The following TENM4 variants were observed in gnomAD, a reference collection of about 807,000 sequenced individuals.
TENM4 encodes teneurin-4.
Under a neutral mutation model 243.3 loss-of-function variants are expected in TENM4, and 82 were observed. That is an observed-to-expected ratio of 0.34 (90% confidence interval 0.28 to 0.40). TENM4 has a LOEUF of 0.40. Among genes scored for constraint, TENM4 ranks in the 10% least tolerant of loss-of-function variants. The probability of loss-of-function intolerance (pLI) is 1.00; values close to 1 mark genes in which losing one functional copy is unlikely to be tolerated. For synonymous variants in TENM4, 1,412 were observed against 1,456.3 expected (o/e 0.97, Z 0.69); for missense variants, 3,138 against 3,673.3 (o/e 0.85, Z 3.77).
At chr11:78,906,622 G>A (rs1156293551) in intron 6 of TENM4, among the ~76,000 whole-genome samples, 1 of 152,230 alleles carries the variant, frequency 6.6e-6, no homozygotes, top group African/African-American at 2.4e-5. Context: ...GACAAGGAAT[G>A]TTCTGGGCCA....
chr11:78,938,167 T>C (rs1366175329), intron 6 of TENM4, among the ~76,000 whole-genome samples: 3 of 152,256 alleles, frequency 2.0e-5, no homozygotes, highest in Non-Finnish European at 4.4e-5. Context: ...TAGCCTGATA[T>C]TCAAGATTCT....
At position 79,337,751 on chromosome 11, in the gene TENM4, C is replaced by T. The variant is rs1400176761; in HGVS notation, c.-320-40208G>A. 1.3e-5 allele frequency among the ~76,000 whole-genome samples: 2 copies of T among 152,188 alleles called. 1 individual carries two copies. Among genetic ancestry groups the T allele is most frequent in the East Asian group, 3.9e-4 (2 of 5,190 alleles). On this transcript the variant is annotated intron_variant, in intron 1 of 33. Coordinates refer to ENST00000278550, the MANE Select transcript of TENM4 (RefSeq NM_001098816.3). ...CTACATTGGAGTTCTCACCTTTGGA[C>T]TCTCAAAAAGATCTCTGAGACCTTA...
At chr11:79,420,195 A>T (rs1858901273) in intron 1 of TENM4, among the ~76,000 whole-genome samples, 1 of 152,200 alleles carries the variant, frequency 6.6e-6, no homozygotes, top group African/African-American at 2.4e-5. Flanking sequence ...CATTTTTTTA[A>T]CATGTTAAAT....
At chr11:79,363,650 C>T (rs1857628250) in intron 1 of TENM4, among the ~76,000 whole-genome samples, 1 of 152,200 alleles carries the variant, frequency 6.6e-6, no homozygotes, top group South Asian at 2.1e-4. Flanking sequence ...TGCAGATTTT[C>T]ATATGATATA....
Position 79,172,368 on chromosome 11 carries a change from G to A in TENM4, c.-162-23562C>T, listed in dbSNP as rs146727301. 6.6e-4 allele frequency among the ~76,000 whole-genome samples: 101 copies of A among 152,300 alleles called. No individual in the cohort carries two copies. In the East Asian group the frequency reaches 0.013, roughly 20 times the overall value. ...AAGAGACTGGGTGACCAGGGACACC[G>A]TTATTCATTCACTTATCCATTTATT... On this transcript the variant is annotated intron_variant, in intron 3 of 33. Transcript: ENST00000278550.
chr11:78,812,399 C>A lies in TENM4; in HGVS notation c.1784-83G>T. 2.7e-6 allele frequency: 4 copies of A among 1,472,484 alleles called. 1 individual carries two copies. In the South Asian group the frequency reaches 5.4e-5, roughly 20 times the overall value. 91.2% of individuals were successfully genotyped at this position (1,472,484 alleles called of 1,614,324 possible). The stretch of plus-strand genomic sequence containing the variant: ...TTTGTCTCTTTCTCCTCCTGGCCTG[C>A]CTGGCTTCACCAGTAGCCTCAACTG... On this transcript the variant is annotated intron_variant, in intron 13 of 33. Transcript: ENST00000278550.
intron 23 of TENM4, 63 bp from the exon 24 acceptor site, chr11:78,722,980 G>T: frequency 6.3e-7 from 1 of 1,584,504 alleles, no homozygotes; most frequent in Admixed American, 1.7e-5. Flanking sequence ...TCCTGTGGTT[G>T]ACCACAGAGT....
intron 14 of TENM4, among the ~76,000 whole-genome samples, chr11:78,806,810 A>G (rs965605609): frequency 3.3e-5 from 5 of 152,186 alleles, no homozygotes; most frequent in African/African-American, 1.2e-4. Context: ...AACTCTTTTT[A>G]TCTTGCAAAA....
At chr11:79,081,543 G>GTGTGTGTGTGTGTGTT (rs1860674762) in intron 4 of TENM4, among the ~76,000 whole-genome samples, 1 of 151,648 alleles carries the variant, frequency 6.6e-6, no homozygotes, top group African/African-American at 2.4e-5. Context: ...TGGTGTGTGT[G>GTGTGTGTGTGTGTGTT]TGTGTGTGTG....
rs143254595 is a variant in TENM4, at chr11:78,670,321, G to A, written c.6024C>T (p.Arg2008=). ...LLHTFYLGTG[R]RVIYKYGKLS... ...GTTTGCCATACTTGTATATCACCCT[G>A]CGGCCAGTGCCCAGGTAGAAGGTGT... Residue 2008 remains arginine (R), a synonymous_variant, in exon 32 of 34, where the codon CGC becomes CGT. Transcript: ENST00000278550. The A allele has an allele frequency of 1.1e-5, 18 of 1,613,904 alleles. No homozygotes were observed. In the African/African-American group the frequency reaches 1.3e-4, roughly 12 times the overall value.
At chr11:78,684,999 C>G (rs1184937912) in intron 29 of TENM4, among the ~76,000 whole-genome samples, 1 of 151,994 alleles carries the variant, frequency 6.6e-6, no homozygotes, top group Non-Finnish European at 1.5e-5. Flanking sequence ...TGAATATTTT[C>G]TGCTAGAATG....
At chr11:78,925,329 ATG>A (rs776080994) in intron 6 of TENM4, among the ~76,000 whole-genome samples, 4 of 151,116 alleles carry the variant, frequency 2.6e-5, no homozygotes, top group Non-Finnish European at 3.0e-5. Flanking sequence ...GTGTGTATGT[ATG>A]TGTGTGTGTG....
At chr11:78,979,536 A>G (rs1210522322) in intron 6 of TENM4, among the ~76,000 whole-genome samples, 1 of 152,010 alleles carries the variant, frequency 6.6e-6, no homozygotes, top group Non-Finnish European at 1.5e-5. Flanking sequence ...TGTGCTGTGC[A>G]TGCACATATG....
intron 4 of TENM4, among the ~76,000 whole-genome samples, chr11:79,113,983 T>C (rs1861566059): frequency 6.6e-6 from 1 of 152,120 alleles, no homozygotes; most frequent in Admixed American, 6.5e-5. Context: ...TTGTGATCAT[T>C]CTCCCATCAG....
intron 1 of TENM4, among the ~76,000 whole-genome samples, chr11:79,338,729 C>T (rs940087265): frequency 1.3e-5 from 2 of 152,210 alleles, no homozygotes; most frequent in African/African-American, 4.8e-5. Flanking sequence ...TTGAGCCAGT[C>T]GCTTGATATT....
intron 2 of TENM4, among the ~76,000 whole-genome samples, chr11:79,219,986 GTT>G (rs1023419754): frequency 1.3e-5 from 2 of 152,244 alleles, no homozygotes; most frequent in African/African-American, 4.8e-5. Flanking sequence ...AGGAGTGTTA[GTT>G]TTTGTCTTTC....
At chr11:79,404,503 G>C (rs1367855555) in intron 1 of TENM4, among the ~76,000 whole-genome samples, 2 of 152,204 alleles carry the variant, frequency 1.3e-5, no homozygotes. Context: ...CTTTTGCTGT[G>C]ATGCAATGTC....
In TENM4 at chr11:78,670,244, T is replaced by C. The variant is rs1250978476; in HGVS notation, c.6101A>G (p.Tyr2034Cys). ...CTTCAGCATGCCTGCCGTCTCGTCA[T>C]AGGTGAAACTGACCTTGGTGGTGTC... ...LYDTTKVSFT[Y>C]DETAGMLKTI... The change falls in exon 32 of 34, where the codon TAT becomes TGT. Residue 2034 changes from tyrosine (Y) to cysteine (C), a missense_variant. Physicochemically the swap from Tyr to Cys is radical, Grantham distance 194. Coordinates refer to ENST00000278550, the MANE Select transcript of TENM4 (RefSeq NM_001098816.3). 5 of 1,613,986 alleles carry C rather than the reference T, an allele frequency of 3.1e-6. No individual in the cohort carries two copies. The highest frequency in any genetic ancestry group is 4.2e-6 in the Non-Finnish European group (5 of 1,179,886).
intron 6 of TENM4, among the ~76,000 whole-genome samples, chr11:78,999,746 A>G (rs1197685010): frequency 1.3e-5 from 2 of 152,190 alleles, no homozygotes; most frequent in African/African-American, 4.8e-5. Flanking sequence ...AAACTGACTG[A>G]GAGTGGGACA....
Sources: allele counts gnomAD v4.1 joint callset (sites outside exome capture counted in the v4.1 genomes callset), GRCh38; gene constraint gnomAD v4.1.1; transcripts MANE v1.5; gene names NCBI Gene and HGNC (gene_info 2026-07-23, HGNC 2026-07-21).